The following GRIK2 variants were observed in gnomAD, a reference collection of about 807,000 sequenced individuals.
The protein encoded by GRIK2 is glutamate ionotropic receptor kainate type subunit 2.
A neutral mutation model predicts 100.3 loss-of-function variants in GRIK2; 32 were observed. That is an observed-to-expected ratio of 0.32 (90% confidence interval 0.24 to 0.43). The LOEUF (loss-of-function observed/expected upper bound fraction) is 0.43. Among genes scored for constraint, GRIK2 ranks in the 20% least tolerant of loss-of-function variants. The pLI, the probability that GRIK2 is intolerant of heterozygous loss-of-function variation, is 1.00. For missense variants in GRIK2, 843 were observed against 1,114.9 expected (o/e 0.76, Z 3.47); for synonymous variants, 417 against 389.4 (o/e 1.07, Z -0.83).
chr6:101,923,697 G>T (rs1789699237), intron 12 of GRIK2, among the ~76,000 whole-genome samples: 1 of 152,076 alleles, frequency 6.6e-6, no homozygotes, highest in African/African-American at 2.4e-5. Flanking sequence ...CAGGCAGGCG[G>T]ATTGTCTGAG....
At chr6:101,581,181 T>TATAC (rs1554223052) in intron 2 of GRIK2, among the ~76,000 whole-genome samples, 3 of 138,110 alleles carry the variant, frequency 2.2e-5, no homozygotes, top group South Asian at 4.5e-4. Flanking sequence ...TATATATATA[T>TATAC]ACACACACAC....
At chr6:101,860,468 G>T (rs1016665497) in intron 11 of GRIK2, among the ~76,000 whole-genome samples, 21 of 152,174 alleles carry the variant, frequency 1.4e-4, no homozygotes, top group African/African-American at 4.1e-4. Flanking sequence ...CCTCTCCATG[G>T]ATTCCATGTA....
chr6:101,856,898 A>G (rs1370857301), intron 10 of GRIK2, among the ~76,000 whole-genome samples: 2 of 152,224 alleles, frequency 1.3e-5, no homozygotes, highest in Non-Finnish European at 2.9e-5. Context: ...TGGATACTTC[A>G]TGTAGGTGGA....
chr6:101,665,450 T>G (rs1002804635), intron 4 of GRIK2, among the ~76,000 whole-genome samples: 1 of 152,210 alleles, frequency 6.6e-6, no homozygotes, highest in Non-Finnish European at 1.5e-5. Context: ...GTTCATTGTA[T>G]ATTGAGTCAA....
intron 2 of GRIK2, among the ~76,000 whole-genome samples, chr6:101,538,217 A>C (rs1775809692): frequency 6.6e-6 from 1 of 151,568 alleles, no homozygotes. Context: ...CAGAATTTAG[A>C]ATCAGTTAAT....
intron 4 of GRIK2, among the ~76,000 whole-genome samples, chr6:101,674,013 C>A (rs1268970981): frequency 6.6e-6 from 1 of 152,074 alleles, no homozygotes; most frequent in Non-Finnish European, 1.5e-5. Context: ...AATATTTTTT[C>A]TCTTTTTTCT....
chr6:101,849,748 TA>T (rs554791533), intron 10 of GRIK2, among the ~76,000 whole-genome samples: 56 of 151,828 alleles, frequency 3.7e-4, no homozygotes, highest in Admixed American at 1.1e-3. Flanking sequence ...AATCTTAGAT[TA>T]TTTTTTTGTA....
intron 7 of GRIK2, among the ~76,000 whole-genome samples, chr6:101,730,597 A>G (rs922393854): frequency 1.2e-4 from 18 of 151,956 alleles, no homozygotes; most frequent in African/African-American, 4.3e-4. Context: ...ATTGATACAT[A>G]CTGCTTGATA....
At chr6:101,449,391 G>A (rs762929300) in intron 2 of GRIK2, among the ~76,000 whole-genome samples, 2 of 151,610 alleles carry the variant, frequency 1.3e-5, no homozygotes, top group South Asian at 2.1e-4. Flanking sequence ...TGAAAGCCAG[G>A]CCAATGTGAA....
At chr6:101,928,704 G>T in intron 14 of GRIK2, 72 bp downstream of exon 14, 1 of 769,180 alleles carries the variant, frequency 1.3e-6, no homozygotes, top group East Asian at 2.5e-5. Flanking sequence ...ATTCACAAAT[G>T]TAAGAGTGTA....
chr6:101,849,904 G>A (rs1429637900), intron 10 of GRIK2, among the ~76,000 whole-genome samples: 1 of 116,264 alleles, frequency 8.6e-6, no homozygotes, highest in Non-Finnish European at 1.6e-5. Context: ...TAAATGCATT[G>A]ATATCTTTAA....
chr6:101,467,929 A>AT lies in GRIK2; in HGVS notation c.115+68538dup, dbSNP rs202119715. ...GTTTCATTTTTTGCATGCCCACGATATATTTTTTTTTTTAATCTGGCAAGG... is the reference window on the plus strand; with the variant it reads ...GTTTCATTTTTTGCATGCCCACGATATTATTTTTTTTTTTAATCTGGCAAGG... On this transcript the variant is annotated intron_variant, in intron 2 of 16. Coordinates refer to ENST00000369134, the MANE Select transcript of GRIK2 (RefSeq NM_021956.5). Among the ~76,000 whole-genome samples, 704 of 139,830 alleles carry AT rather than the reference A, an allele frequency of 5.0e-3. 7 individuals carry two copies. The highest frequency in any genetic ancestry group is 0.017 in the African/African-American group (634 of 37,640). 91.7% of individuals were successfully genotyped at this position (139,830 alleles called of 152,430 possible).
chr6:101,686,051 A>G, intron 6 of GRIK2, 129 bp from the exon 7 acceptor site: 1 of 592,614 alleles, frequency 1.7e-6, no homozygotes, highest in East Asian at 2.8e-5. Flanking sequence ...GTGATTTGTG[A>G]TGTTTAACGT....
In GRIK2 at chr6:101,519,749, T is replaced by C. The variant is rs112158531; in HGVS notation, c.116-102200T>C. On this transcript the variant is annotated intron_variant, in intron 2 of 16. Coordinates refer to ENST00000369134, the MANE Select transcript of GRIK2 (RefSeq NM_021956.5). ...CTTAAATTGTAACTGTACATATGCA[T>C]ACAAAAAAATCAGACTATGTAAATT... Among the ~76,000 whole-genome samples, 10 of 152,218 alleles carry C rather than the reference T, an allele frequency of 6.6e-5. 1 individual carries two copies. Among genetic ancestry groups the C allele is most frequent in the African/African-American group, 2.4e-4 (10 of 41,544 alleles).
At chr6:101,992,908 A>G (rs1794449789) in intron 14 of GRIK2, among the ~76,000 whole-genome samples, 1 of 151,566 alleles carries the variant, frequency 6.6e-6, no homozygotes, top group African/African-American at 2.4e-5. Context: ...TTTATTTAAC[A>G]CATAATTTAG....
intron 2 of GRIK2, among the ~76,000 whole-genome samples, chr6:101,428,346 T>A (rs566810812): frequency 1.3e-5 from 2 of 152,304 alleles, no homozygotes; most frequent in Admixed American, 1.3e-4. Context: ...GGAAATGCAT[T>A]TCTACTGGTT....
At chr6:101,905,340 C>T (rs1330773456) in intron 12 of GRIK2, among the ~76,000 whole-genome samples, 1 of 151,540 alleles carries the variant, frequency 6.6e-6, no homozygotes, top group Non-Finnish European at 1.5e-5. Flanking sequence ...AGCTTTCTGA[C>T]TCCTTTTATA....
rs202241600 is a variant in GRIK2, at chr6:101,588,672, A to G, written c.116-33277A>G. Among the ~76,000 whole-genome samples the G allele has an allele frequency of 9.8e-5, 14 of 143,018 alleles. No individual in the cohort carries two copies. In the South Asian group the frequency reaches 1.7e-3, roughly 18 times the overall value. The allele number at this position is 143,018 out of a possible 152,430, so 93.8% of individuals were successfully genotyped here. ...CTGCATGACACACACGCACACGCAC[A>G]CACACACACACAGAAAAGAAAGAAA... On this transcript the variant is annotated intron_variant, in intron 2 of 16. Coordinates refer to ENST00000369134, the MANE Select transcript of GRIK2 (RefSeq NM_021956.5).
chr6:101,473,561 A>G (rs1161280135), intron 2 of GRIK2, among the ~76,000 whole-genome samples: 1 of 151,874 alleles, frequency 6.6e-6, no homozygotes, highest in Non-Finnish European at 1.5e-5. Flanking sequence ...ACAACTAAAA[A>G]TAAATTTTAA....
Sources: allele counts gnomAD v4.1 joint callset (sites outside exome capture counted in the v4.1 genomes callset), GRCh38; gene constraint gnomAD v4.1.1; transcripts MANE v1.5; gene names NCBI Gene and HGNC (gene_info 2026-07-23, HGNC 2026-07-21).